GRM7: variants seen among roughly 807,000 people sequenced by gnomAD.
GRM7 encodes metabotropic glutamate receptor 7.
In GRM7, 35 loss-of-function variants were observed where a neutral mutation model predicts 84.5. That is an observed-to-expected ratio of 0.41 (90% CI 0.32 to 0.55). The LOEUF (loss-of-function observed/expected upper bound fraction) is 0.55. Among genes scored for constraint, GRM7 ranks in the 20% least tolerant of loss-of-function variants. The pLI is 0.19. For synonymous variants in GRM7, 487 were observed against 455.1 expected, an observed-to-expected ratio of 1.07 and a Z score of -0.89; for missense variants, 1,003 against 1,194.6, an observed-to-expected ratio of 0.84 and a Z score of 2.36.
At chr3:7,340,674 C>G (rs1342108663) in intron 4 of GRM7, among the ~76,000 whole-genome samples, 1 of 152,088 alleles carries the variant, frequency 6.6e-6, no homozygotes, top group Non-Finnish European at 1.5e-5. Flanking sequence ...GAAGAAAGTG[C>G]CCTTGCCCTC....
At chr3:7,021,399 T>A (rs1231702809) in intron 1 of GRM7, among the ~76,000 whole-genome samples, 3 of 152,180 alleles carry the variant, frequency 2.0e-5, no homozygotes, top group Non-Finnish European at 4.4e-5. Flanking sequence ...GAAGGTTATG[T>A]GAAGGAACTT....
intron 1 of GRM7, among the ~76,000 whole-genome samples, chr3:7,089,204 A>T (rs888551067): frequency 6.6e-6 from 1 of 152,196 alleles, no homozygotes; most frequent in Non-Finnish European, 1.5e-5. Flanking sequence ...AGTACCAGGG[A>T]TAGCATAAAA....
At chr3:7,191,073 A>C (rs1243495681) in intron 2 of GRM7, among the ~76,000 whole-genome samples, 1 of 152,140 alleles carries the variant, frequency 6.6e-6, no homozygotes, top group African/African-American at 2.4e-5. Context: ...AGCTTTTAAA[A>C]ATTTTATTTA....
intron 4 of GRM7, among the ~76,000 whole-genome samples, chr3:7,401,588 A>T (rs1435902936): frequency 6.6e-6 from 1 of 151,706 alleles, no homozygotes; most frequent in Non-Finnish European, 1.5e-5. Context: ...ATTACCTAGA[A>T]AAAACTTTGA....
intron 2 of GRM7, among the ~76,000 whole-genome samples, chr3:7,205,898 G>C (rs918730006): frequency 2.6e-5 from 4 of 152,156 alleles, no homozygotes; most frequent in Non-Finnish European, 5.9e-5. Context: ...GCTCAAATTA[G>C]AAATTAATAG....
chr3:7,121,846 G>C (rs1693234804), intron 1 of GRM7, among the ~76,000 whole-genome samples: 1 of 152,136 alleles, frequency 6.6e-6, no homozygotes, highest in Admixed American at 6.5e-5. Flanking sequence ...TTGCAAGGTG[G>C]GGCCTCAAAA....
intron 5 of GRM7, among the ~76,000 whole-genome samples, chr3:7,443,771 T>G (rs1004001599): frequency 6.6e-6 from 1 of 152,178 alleles, no homozygotes; most frequent in Admixed American, 6.6e-5. Context: ...TTCTTAATTT[T>G]GTGTGTTATT....
chr3:6,898,830 A>AT (rs909536984), intron 1 of GRM7, among the ~76,000 whole-genome samples: 2 of 151,810 alleles, frequency 1.3e-5, no homozygotes, highest in African/African-American at 4.8e-5. Context: ...AAAAACAAAA[A>AT]AAAAAAATGA....
At chr3:7,411,252 C>T (rs891541978) in intron 4 of GRM7, among the ~76,000 whole-genome samples, 1 of 152,034 alleles carries the variant, frequency 6.6e-6, no homozygotes, top group Admixed American at 6.6e-5. Flanking sequence ...CCAAATAATT[C>T]ACAAGTTTAG....
chr3:7,491,669 T>G (rs1205248141), intron 7 of GRM7, among the ~76,000 whole-genome samples: 1 of 152,158 alleles, frequency 6.6e-6, no homozygotes, highest in African/African-American at 2.4e-5. Flanking sequence ...ATGTGGCAGT[T>G]GGAGTTGGAT....
At chr3:7,237,009 A>C (rs920441535) in intron 2 of GRM7, among the ~76,000 whole-genome samples, 1 of 152,160 alleles carries the variant, frequency 6.6e-6, no homozygotes, top group Non-Finnish European at 1.5e-5. Context: ...ATTAATACTA[A>C]ATACTTCTGT....
intron 7 of GRM7, among the ~76,000 whole-genome samples, chr3:7,515,196 T>A (rs1700331539): frequency 7.1e-6 from 1 of 139,902 alleles, no homozygotes; most frequent in Non-Finnish European, 1.5e-5. Context: ...AAGTGCAGTG[T>A]TGAATGTAGA....
intron 9 of GRM7, among the ~76,000 whole-genome samples, chr3:7,732,034 G>C (rs778039699): frequency 4.6e-4 from 70 of 151,658 alleles, no homozygotes; most frequent in Non-Finnish European, 9.7e-4. Context: ...GGTATGGCCG[G>C]CCTCGTGTCT....
In GRM7 at chr3:7,167,825, T is replaced by C. The variant is rs1370459328; in HGVS notation, c.736+21157T>C. Among the ~76,000 whole-genome samples, 11 of 151,378 alleles carry C rather than the reference T, an allele frequency of 7.3e-5. 1 individual carries two copies. Among genetic ancestry groups the C allele is most frequent in the South Asian group, 4.2e-4 (2 of 4,790 alleles). On this transcript the variant is annotated intron_variant, in intron 2 of 9. Transcript: ENST00000357716. ...TCAACTAAATATACAAAAGATTAGCTAGGCGTGGTGGCAGGCACCTGTAGT... is the reference window on the plus strand; with the variant it reads ...TCAACTAAATATACAAAAGATTAGCCAGGCGTGGTGGCAGGCACCTGTAGT...
intron 9 of GRM7, among the ~76,000 whole-genome samples, chr3:7,723,618 A>G (rs761968755): frequency 1.3e-5 from 2 of 152,108 alleles, no homozygotes; most frequent in African/African-American, 2.4e-5. Flanking sequence ...GGAGGCTGAC[A>G]TGGGAGGATG....
rs907631788 is a variant in GRM7, at chr3:7,328,463, G to A, written c.1033+21811G>A. Among the ~76,000 whole-genome samples, 3 of 152,122 alleles carry A rather than the reference G, an allele frequency of 2.0e-5. No individual in the cohort carries two copies. In the East Asian group the frequency reaches 5.8e-4, roughly 29 times the overall value. On this transcript the variant is annotated intron_variant, in intron 4 of 9. Coordinates refer to ENST00000357716, the MANE Select transcript of GRM7 (RefSeq NM_000844.4). ...CAGGTGTCTGAGTTCTGGCCCATAG[G>A]ATGCTAGCAATAGCACAGCCCTTTG...
At chr3:7,423,463 A>G (rs547887715) in intron 5 of GRM7, among the ~76,000 whole-genome samples, 4 of 152,354 alleles carry the variant, frequency 2.6e-5, no homozygotes, top group African/African-American at 9.6e-5. Flanking sequence ...CTTCTCAGCA[A>G]CAATTCTCGT....
intron 4 of GRM7, among the ~76,000 whole-genome samples, chr3:7,349,971 C>A (rs1482376661): frequency 6.6e-6 from 1 of 151,864 alleles, no homozygotes; most frequent in African/African-American, 2.4e-5. Context: ...GCTTTTGAAT[C>A]ATCTTGTAGT....
rs17046908 is a variant in GRM7, at chr3:7,155,438, C to A, written c.736+8770C>A. Among the ~76,000 whole-genome samples, 494 of 151,802 alleles carry A rather than the reference C, an allele frequency of 3.3e-3. 1 individual carries two copies. The highest frequency in any genetic ancestry group is 0.011 in the African/African-American group (467 of 41,358). On this transcript the variant is annotated intron_variant, in intron 2 of 9. Coordinates refer to ENST00000357716, the MANE Select transcript of GRM7 (RefSeq NM_000844.4). ...AGTAGGCTTTAACTGTGCCCACACA[C>A]AAGAAATGTAGTATTCATTAAAACA...
Sources: allele counts gnomAD v4.1 joint callset (sites outside exome capture counted in the v4.1 genomes callset), GRCh38; gene constraint gnomAD v4.1.1; transcripts MANE v1.5; gene names NCBI Gene and HGNC (gene_info 2026-07-23, HGNC 2026-07-21).